Variants in CDKN2AIP observed in about 807,000 individuals in gnomAD.
The protein encoded by CDKN2AIP is CDKN2A interacting protein.
CDKN2AIP carries 12 observed loss-of-function variants against 44.1 expected under a neutral mutation model. That is an observed-to-expected ratio of 0.27 (90% CI 0.17 to 0.44). The LOEUF (loss-of-function observed/expected upper bound fraction) is 0.44, where lower values mean the gene tolerates loss of function less well. CDKN2AIP is among the 20% of genes least tolerant of loss of function. CDKN2AIP has a pLI of 1.00. For missense variants in CDKN2AIP, 705 were observed against 681.6 expected, an observed-to-expected ratio of 1.03 and a Z score of -0.38; for synonymous variants, 291 against 272.1, an observed-to-expected ratio of 1.07 and a Z score of -0.68.
At position 183,447,237 on chromosome 4, in the gene CDKN2AIP, A is replaced by G. The variant is rs1191309280; in HGVS notation, c.1553A>G (p.Lys518Arg). The G allele has an allele frequency of 2.5e-6, 4 of 1,611,136 alleles. No individual in the cohort carries two copies. Among genetic ancestry groups the G allele is most frequent in the African/African-American group, 2.7e-5 (2 of 74,692 alleles). The change falls in exon 3 of 3, where the codon AAA (lysine) becomes AGA (arginine). Residue 518 changes from lysine (K) to arginine (R), a missense_variant. Coordinates refer to ENST00000504169, the MANE Select transcript of CDKN2AIP (RefSeq NM_017632.4). Reference protein sequence around the residue: ...KSVYLGTGCGKSKENAKAVAS... With the variant: ...KSVYLGTGCGRSKENAKAVAS... ...GTGTATTTGGGCACTGGCTGTGGAA[A>G]AAGCAAAGAAAATGCAAAAGCAGTT...
Position 183,447,184 on chromosome 4 carries a change from T to C in CDKN2AIP, c.1500T>C (p.Ser500=). The C allele has an allele frequency of 6.2e-7, 1 of 1,614,040 alleles. No homozygotes were observed. Among genetic ancestry groups the C allele is most frequent in the African/African-American group, 1.3e-5 (1 of 75,040 alleles). Residue 500 remains serine (S), a synonymous_variant, in exon 3 of 3, where the codon AGT becomes AGC. Transcript: ENST00000504169. ...CTCAAAATAAGAGCTCTCAAGAAAG[T>C]ATTGTTTGTGAATTGAGGTGCAAGT... ...DLPQNKSSQE[S]IVCELRCKSV...
Position 183,446,954 on chromosome 4 carries a change from T to G in CDKN2AIP, c.1270T>G (p.Phe424Val). ...TSQSSESSVK[F>V]SCKLTNEDVK... Reference sequence around the variant, plus strand: ...ACAGTCAAGTGAGAGTTCTGTCAAATTCTCTTGCAAGTTAACCAATGAAGA... The same window carrying G: ...ACAGTCAAGTGAGAGTTCTGTCAAAGTCTCTTGCAAGTTAACCAATGAAGA... Residue 424 changes from phenylalanine to valine, a missense_variant, in exon 3 of 3, where the codon TTC becomes GTC. Phe to Val is a conservative substitution (Grantham distance 50, BLOSUM62 -1). Transcript: ENST00000504169. The G allele has an allele frequency of 6.2e-7, 1 of 1,614,222 alleles. No homozygotes were observed. Among genetic ancestry groups the G allele is most frequent in the Non-Finnish European group, 8.5e-7 (1 of 1,180,032 alleles).
In CDKN2AIP at chr4:183,444,763, C is replaced by A. The variant is rs748108669; in HGVS notation, c.-35C>A. 1.3e-6 allele frequency: 2 copies of A among 1,484,970 alleles called. No homozygotes were observed. The highest frequency in any genetic ancestry group is 1.8e-6 in the Non-Finnish European group (2 of 1,110,148). 92.0% of individuals were successfully genotyped at this position (1,484,970 alleles called of 1,614,324 possible). On this transcript the variant is annotated 5_prime_UTR_variant, in exon 1 of 3. Transcript: ENST00000504169. ...TCGCCCCGCTAGTCCTGCCTGTCTC[C>A]CGGTGCAGCTGTGTTCGCGGCCTGC... is the stretch of plus-strand genomic sequence containing the variant.
At chr4:183,445,319 G>A in intron 1 of CDKN2AIP, 1 of 621,714 alleles carries the variant, frequency 1.6e-6, no homozygotes, top group South Asian at 2.0e-5. Flanking sequence ...AGGGAACAAC[G>A]CTCTTGGGGA....
In CDKN2AIP at chr4:183,446,660, G is replaced by C. The variant is rs1438654393; in HGVS notation, c.976G>C (p.Glu326Gln). ...TGGGTTAACTTCCAAAACTAGTTCAGAGGCAAGTGTTTCATCATCAGTTGC... is the reference window on the plus strand; with the variant it reads ...TGGGTTAACTTCCAAAACTAGTTCACAGGCAAGTGTTTCATCATCAGTTGC... The part of the protein sequence containing the change: ...SSGLTSKTSS[E>Q]ASVSSSVAKN... The change falls in exon 3 of 3, where the codon GAG becomes CAG. Residue 326 changes from glutamate to glutamine, a missense_variant. Glu to Gln is a conservative substitution (Grantham distance 29). This residue lies in a region of CDKN2AIP where 592 missense variants were observed against 518.0 expected (regional missense o/e 1.14). Coordinates refer to ENST00000504169, the MANE Select transcript of CDKN2AIP (RefSeq NM_017632.4). 2 of 1,614,114 alleles carry C rather than the reference G, an allele frequency of 1.2e-6. No homozygotes were observed. The highest frequency in any genetic ancestry group is 1.7e-6 in the Non-Finnish European group (2 of 1,179,948).
Position 183,447,181 on chromosome 4 carries a change from A to C in CDKN2AIP, c.1497A>C (p.Glu499Asp). 1 of 1,614,142 alleles carries C rather than the reference A, an allele frequency of 6.2e-7. No homozygotes were observed. The highest frequency in any genetic ancestry group is 1.1e-5 in the South Asian group (1 of 91,058). The change falls in exon 3 of 3, where the codon GAA (glutamate) becomes GAC (aspartate). Residue 499 changes from glutamate to aspartate, a missense_variant. This residue lies in a region of CDKN2AIP where 113 missense variants were observed against 163.6 expected (regional missense o/e 0.69). Transcript: ENST00000504169. ...TGCCTCAAAATAAGAGCTCTCAAGA[A>C]AGTATTGTTTGTGAATTGAGGTGCA... ...ADLPQNKSSQ[E>D]SIVCELRCKS...
chr4:183,445,158 G>C, intron 1 of CDKN2AIP, 89 bp downstream of exon 1: 1 of 1,455,466 alleles, frequency 6.9e-7, no homozygotes, highest in Non-Finnish European at 9.2e-7. Flanking sequence ...GACCGGCCTC[G>C]GCGGGGAGGG....
rs1733731079 is a variant in CDKN2AIP, at chr4:183,448,498, T to A, written c.*1071T>A. 6.6e-6 allele frequency among the ~76,000 whole-genome samples: 1 copy of A among 152,158 alleles called. No homozygotes were observed. Among genetic ancestry groups the A allele is most frequent in the Admixed American group, 6.6e-5 (1 of 15,266 alleles). ...TACATTCGTTAAAATGAAGTGGAAT[T>A]TTGTTTTCGTCTTAGGTGATTCTGC... On this transcript the variant is annotated 3_prime_UTR_variant, in exon 3 of 3. Transcript: ENST00000504169.
At position 183,447,645 on chromosome 4, in the gene CDKN2AIP, T is replaced by C; in HGVS notation, c.*218T>C. 2.7e-6 allele frequency: 1 copy of C among 367,532 alleles called. No individual in the cohort carries two copies. The highest frequency in any genetic ancestry group is 4.9e-6 in the Non-Finnish European group (1 of 205,708). The allele number at this position is 367,532 out of a possible 1,614,324, so 22.8% of individuals were successfully genotyped here. ...ATGCATTAGCAGCATATTAGTATGCTGTTTTATTTGCTGAAGAAAATACTG... is the reference window on the plus strand; with the variant it reads ...ATGCATTAGCAGCATATTAGTATGCCGTTTTATTTGCTGAAGAAAATACTG... On this transcript the variant is annotated 3_prime_UTR_variant, in exon 3 of 3. Coordinates refer to ENST00000504169, the MANE Select transcript of CDKN2AIP (RefSeq NM_017632.4).
intron 1 of CDKN2AIP, 120 bp downstream of exon 1, chr4:183,445,189 T>G: frequency 7.7e-7 from 1 of 1,291,764 alleles, no homozygotes; most frequent in Non-Finnish European, 1.1e-6. Context: ...AGCGCGGGAA[T>G]CCGCCGGCCC....
Position 183,447,300 on chromosome 4 carries a change from AG to A in CDKN2AIP, c.1618del (p.Val540TrpfsTer3). On this transcript the variant is annotated frameshift_variant, in exon 3 of 3. Coordinates refer to ENST00000504169, the MANE Select transcript of CDKN2AIP (RefSeq NM_017632.4). LOFTEE classifies it high-confidence loss of function. ...REALKLFLKK[K>X]VVVKICKRKY... ...GCATTGAAGTTATTTCTCAAGAAAA[AG>A]GTGGTGGTAAAAATATGTAAAAGGA... 6.2e-7 allele frequency: 1 copy of A among 1,612,280 alleles called. No homozygotes were observed. The highest frequency in any genetic ancestry group is 1.1e-5 in the South Asian group (1 of 90,664).
Position 183,446,593 on chromosome 4 carries a change from G to A in CDKN2AIP, c.909G>A (p.Leu303=), listed in dbSNP as rs1733686736. The part of the protein sequence containing the change: ...LGSSGSSEVE[L]PLLSSKPSSE... ...CCTCAGGAAGCTCAGAGGTAGAATTGCCACTATTGTCTTCCAAACCTAGTT... is the reference window on the plus strand; with the variant it reads ...CCTCAGGAAGCTCAGAGGTAGAATTACCACTATTGTCTTCCAAACCTAGTT... The change falls in exon 3 of 3, where the codon TTG becomes TTA. Residue 303 remains leucine, a synonymous_variant. Transcript: ENST00000504169. 1 of 1,613,962 alleles carries A rather than the reference G, an allele frequency of 6.2e-7. No homozygotes were observed. The highest frequency in any genetic ancestry group is 1.3e-5 in the African/African-American group (1 of 74,936).
In CDKN2AIP at chr4:183,446,475, A is replaced by T; in HGVS notation, c.791A>T (p.Gln264Leu). The T allele has an allele frequency of 6.2e-7, 1 of 1,613,790 alleles. No homozygotes were observed. The highest frequency in any genetic ancestry group is 8.5e-7 in the Non-Finnish European group (1 of 1,179,658). The change falls in exon 3 of 3, where the codon CAA (glutamine) becomes CTA (leucine). Residue 264 changes from glutamine to leucine, a missense_variant. Gln to Leu is a moderately radical substitution (Grantham distance 113). Coordinates refer to ENST00000504169, the MANE Select transcript of CDKN2AIP (RefSeq NM_017632.4). ...ATGACCCAATCCACTGATTCTAGACAACAAAGTGGATCACCTAAAAAGAGT... is the reference window on the plus strand; with the variant it reads ...ATGACCCAATCCACTGATTCTAGACTACAAAGTGGATCACCTAAAAAGAGT... ...SHMTQSTDSR[Q>L]QSGSPKKSAL...
Position 183,446,818 on chromosome 4 carries a change from G to C in CDKN2AIP, c.1134G>C (p.Gln378His). ...ASLLASKSSS[Q>H]TSGSLVSKST... ...TACTAGCTTCCAAGAGCAGCTCCCA[G>C]ACCAGTGGATCTCTGGTTTCCAAAA... The change falls in exon 3 of 3, where the codon CAG (glutamine) becomes CAC (histidine). Residue 378 changes from glutamine to histidine, a missense_variant. Physicochemically the swap from Gln to His is conservative, Grantham distance 24. Around this residue, in one of 2 missense-constraint regions of CDKN2AIP, gnomAD observed 592 missense variants for 518.0 expected, o/e 1.14. Transcript: ENST00000504169. 3.1e-6 allele frequency: 5 copies of C among 1,614,192 alleles called. No homozygotes were observed. The highest frequency in any genetic ancestry group is 4.2e-6 in the Non-Finnish European group (5 of 1,180,038).
rs889976800 is a variant in CDKN2AIP at position 183,444,761 on chromosome 4, T to G, written c.-37T>G. Reference sequence around the variant, plus strand: ...GCTCGCCCCGCTAGTCCTGCCTGTCTCCCGGTGCAGCTGTGTTCGCGGCCT... The same window carrying G: ...GCTCGCCCCGCTAGTCCTGCCTGTCGCCCGGTGCAGCTGTGTTCGCGGCCT... On this transcript the variant is annotated 5_prime_UTR_variant, in exon 1 of 3. Transcript: ENST00000504169. 6.7e-7 allele frequency: 1 copy of G among 1,483,734 alleles called. No homozygotes were observed. 91.9% of individuals were successfully genotyped at this position (1,483,734 alleles called of 1,614,324 possible). A position where few individuals can be genotyped will look rare whatever the true frequency, so the allele number is the denominator to read the frequency against.
rs1428561493 is a variant in CDKN2AIP, at chr4:183,447,134, C to T, written c.1450C>T (p.Pro484Ser). 1 of 1,613,714 alleles carries T rather than the reference C, an allele frequency of 6.2e-7. No homozygotes were observed. Among genetic ancestry groups the T allele is most frequent in the Non-Finnish European group, 8.5e-7 (1 of 1,179,760 alleles). Residue 484 changes from proline to serine, a missense_variant, in exon 3 of 3, where the codon CCA (proline) becomes TCA (serine). Physicochemically the swap from Pro to Ser is moderately conservative, Grantham distance 74. This residue lies in a region of CDKN2AIP where 113 missense variants were observed against 163.6 expected (regional missense o/e 0.69). Coordinates refer to ENST00000504169, the MANE Select transcript of CDKN2AIP (RefSeq NM_017632.4). ...AGCAACACTGGATGTATTTTTTGTC[C>T]CACTAAAAGAATTGGCAGATCTGCC... ...LKATLDVFFV[P>S]LKELADLPQN...
At chr4:183,445,136 C>T in intron 1 of CDKN2AIP, 67 bp downstream of exon 1, 2 of 1,500,666 alleles carry the variant, frequency 1.3e-6, no homozygotes, top group Non-Finnish European at 8.9e-7. Context: ...CGGGGCCCGG[C>T]GCCCTCCGCG....
In CDKN2AIP at chr4:183,446,700, C is replaced by T. The variant is rs1212378559; in HGVS notation, c.1016C>T (p.Ser339Leu). The change falls in exon 3 of 3, where the codon TCA becomes TTA. Residue 339 changes from serine to leucine, a missense_variant. Coordinates refer to ENST00000504169, the MANE Select transcript of CDKN2AIP (RefSeq NM_017632.4). ...VSSSVAKNSSSSGTSLLTPKS... is the reference protein window; with the variant it reads ...VSSSVAKNSSLSGTSLLTPKS... ...TCATCAGTTGCTAAAAACAGTTCCT[C>T]ATCAGGCACATCCTTACTGACTCCC... 15 of 1,614,074 alleles carry T rather than the reference C, an allele frequency of 9.3e-6. No homozygotes were observed. The highest frequency in any genetic ancestry group is 3.3e-5 in the Admixed American group (2 of 60,006).
chr4:183,448,104 T>C lies in CDKN2AIP; in HGVS notation c.*677T>C, dbSNP rs750932844. 4 of 152,324 alleles carry C rather than the reference T, an allele frequency of 2.6e-5. No homozygotes were observed. The highest frequency in any genetic ancestry group is 5.9e-5 in the Non-Finnish European group (4 of 68,002). The allele number at this position is 152,324 out of a possible 1,614,324, so 9.4% of individuals were successfully genotyped here. ...TACACTTTTTTCTTAAAAACATGAA[T>C]GTGGGTTTCTATATTAAGCATATTT... is the stretch of plus-strand genomic sequence containing the variant. On this transcript the variant is annotated 3_prime_UTR_variant, in exon 3 of 3. Coordinates refer to ENST00000504169, the MANE Select transcript of CDKN2AIP (RefSeq NM_017632.4).
Sources: allele counts gnomAD v4.1 joint callset (sites outside exome capture counted in the v4.1 genomes callset), GRCh38; gene constraint gnomAD v4.1.1; regional missense constraint gnomAD v4.1.1; transcripts MANE v1.5; gene names NCBI Gene and HGNC (gene_info 2026-07-23, HGNC 2026-07-21).